Variants in KLHL13 observed in about 807,000 individuals in gnomAD.
The protein encoded by KLHL13 is kelch like family member 13, also known as kelch-like protein 13.
Under a neutral mutation model 37.1 loss-of-function variants are expected in KLHL13, and 10 were observed. The ratio of observed to expected loss-of-function variants is 0.27; its 90% CI spans 0.17 to 0.46. The LOEUF (loss-of-function observed/expected upper bound fraction) is 0.46. Among genes scored for constraint, KLHL13 ranks in the 20% least tolerant of loss-of-function variants. KLHL13 has a pLI of 1.00. For synonymous variants in KLHL13, 163 were observed against 181.2 expected, an observed-to-expected ratio of 0.90 and a Z score of 0.81; for missense variants, 360 against 509.3, an observed-to-expected ratio of 0.71 and a Z score of 2.82.
intron 1 of KLHL13, among the ~76,000 whole-genome samples, chrX:118,016,697 A>T (rs927621616): frequency 4.5e-5 from 5 of 111,732 alleles, no homozygotes; most frequent in Non-Finnish European, 9.4e-5. Flanking sequence ...TTGCAGTGGT[A>T]AAGTAGTTCA....
At chrX:118,086,541 T>G (rs1192256448) in intron 1 of KLHL13, among the ~76,000 whole-genome samples, 1 of 111,935 alleles carries the variant, frequency 8.9e-6, no homozygotes, top group African/African-American at 3.2e-5. Context: ...TTTAATTATA[T>G]GAGAAATAAA....
intron 1 of KLHL13, 149 bp downstream of exon 2, chrX:118,028,275 T>G (rs1241515095): frequency 1.2e-5 from 4 of 339,167 alleles, no homozygotes; most frequent in Middle Eastern, 7.6e-4. Context: ...TTATTCAATT[T>G]CTTTGTCACT....
At chrX:117,986,818 C>T (rs12559575) in intron 1 of KLHL13, among the ~76,000 whole-genome samples, 6,200 of 111,485 alleles carry the variant, frequency 0.056, 407 homozygotes, top group African/African-American at 0.18. Flanking sequence ...CCAGAAACCA[C>T]GCATTCTTGC....
intron 4 of KLHL13, among the ~76,000 whole-genome samples, chrX:117,916,522 C>T (rs1290864332): frequency 8.9e-6 from 1 of 112,315 alleles, no homozygotes; most frequent in Non-Finnish European, 1.9e-5. Context: ...TCCATTAACA[C>T]TGATGCTCTG....
At chrX:118,059,189 T>G (rs1341899317) in intron 1 of KLHL13, among the ~76,000 whole-genome samples, 1 of 111,932 alleles carries the variant, frequency 8.9e-6, no homozygotes, top group Non-Finnish European at 1.9e-5. Flanking sequence ...AACACTTTAC[T>G]GTAACAGCTG....
intron 1 of KLHL13, among the ~76,000 whole-genome samples, chrX:118,005,367 A>G (rs1395685242): frequency 1.8e-5 from 2 of 111,920 alleles, no homozygotes; most frequent in Non-Finnish European, 3.8e-5. Context: ...TACCCTCCAA[A>G]AGAAAACTCA....
At chrX:118,052,373 A>T (rs1006528514) in intron 1 of KLHL13, among the ~76,000 whole-genome samples, 14 of 104,094 alleles carry the variant, frequency 1.3e-4, no homozygotes, top group Non-Finnish European at 2.7e-4. Flanking sequence ...AATACAAAAA[A>T]TTAGCCAGGC....
chrX:117,992,533 C>A lies in KLHL13; in HGVS notation c.-55-46958G>T, dbSNP rs1231374480. On this transcript the variant is annotated intron_variant, in intron 1 of 6. Transcript: ENST00000371882. The stretch of plus-strand genomic sequence containing the variant: ...GTAGTTTTCAACATATACCTTCCCC[C>A]CATCAACACACATACACACACCCTA... Among the ~76,000 whole-genome samples, 4 of 111,012 alleles carry A rather than the reference C, an allele frequency of 3.6e-5. No homozygotes were observed. The South Asian group carries it at 1.5e-3, about 42-fold the overall frequency.
chrX:117,919,665 T>C lies in KLHL13; in HGVS notation c.426A>G (p.Lys142=), dbSNP rs757835031. ...AATCAATAATTTTCCTTAGACCGAC[T>C]TTGCTCACACCATGAAGTTTAATGC... Residue 142 remains lysine, a synonymous_variant, in exon 4 of 7, where the codon AAA becomes AAG. Transcript: ENST00000262820. The C allele has an allele frequency of 3.3e-6, 4 of 1,206,506 alleles. No individual in the cohort carries two copies. In the African/African-American group the frequency reaches 7.0e-5, roughly 21 times the overall value.
intron 1 of KLHL13, among the ~76,000 whole-genome samples, chrX:118,077,309 CA>C (rs748925369): frequency 9.0e-6 from 1 of 110,517 alleles, no homozygotes; most frequent in Non-Finnish European, 1.9e-5. Context: ...TGGGAATCTA[CA>C]AAAAGTAATT....
At chrX:117,966,947 C>T (rs2053444069) in intron 1 of KLHL13, among the ~76,000 whole-genome samples, 1 of 111,577 alleles carries the variant, frequency 9.0e-6, no homozygotes, top group Non-Finnish European at 1.9e-5. Flanking sequence ...GACCTAAAAC[C>T]ATAAAATCCC....
intron 1 of KLHL13, among the ~76,000 whole-genome samples, chrX:118,055,881 C>T (rs1350718444): frequency 8.9e-6 from 1 of 112,107 alleles, no homozygotes; most frequent in Admixed American, 9.5e-5. Flanking sequence ...GCTCTCACTA[C>T]CTCTATTCAA....
At chrX:118,016,401 A>C (rs2054128961) in intron 1 of KLHL13, among the ~76,000 whole-genome samples, 1 of 111,504 alleles carries the variant, frequency 9.0e-6, no homozygotes, top group Non-Finnish European at 1.9e-5. Flanking sequence ...CTGTCACTTA[A>C]TATTAAATTA....
chrX:118,056,992 C>A, intron 1 of KLHL13, among the ~76,000 whole-genome samples: 1 of 112,117 alleles, frequency 8.9e-6, no homozygotes, highest in East Asian at 2.8e-4. Flanking sequence ...CCTGTCAAAA[C>A]CACACTGTAC....
At chrX:118,101,218 T>C (rs996634935) in intron 1 of KLHL13, among the ~76,000 whole-genome samples, 3 of 112,016 alleles carry the variant, frequency 2.7e-5, no homozygotes, top group Non-Finnish European at 5.6e-5. Context: ...TCCTAGCTAC[T>C]GGAAAATACT....
chrX:118,065,578 T>C (rs761188789), intron 1 of KLHL13, among the ~76,000 whole-genome samples: 1 of 111,420 alleles, frequency 9.0e-6, no homozygotes, highest in East Asian at 2.8e-4. Flanking sequence ...CACAGAGAAA[T>C]CAGAGAAAGC....
chrX:117,935,091 T>C (rs771213777), intron 2 of KLHL13, among the ~76,000 whole-genome samples: 61 of 112,325 alleles, frequency 5.4e-4, no homozygotes, highest in Non-Finnish European at 9.0e-4. Flanking sequence ...TTAGACAGAA[T>C]TACCATAGGA....
intron 1 of KLHL13, among the ~76,000 whole-genome samples, chrX:118,065,295 A>C (rs1245493190): frequency 9.0e-6 from 1 of 111,578 alleles, no homozygotes; most frequent in East Asian, 2.8e-4. Context: ...AAATTAATTA[A>C]AATTCATTTT....
At chrX:118,066,589 A>T (rs1253310681) in intron 1 of KLHL13, among the ~76,000 whole-genome samples, 1 of 111,689 alleles carries the variant, frequency 9.0e-6, no homozygotes, top group African/African-American at 3.2e-5. Context: ...GGTTAGGCAA[A>T]GATCTTGTAG....
Sources: allele counts gnomAD v4.1 joint callset (sites outside exome capture counted in the v4.1 genomes callset), GRCh38; gene constraint gnomAD v4.1.1; transcripts MANE v1.5; gene names NCBI Gene and HGNC (gene_info 2026-07-23, HGNC 2026-07-21).